ESR1: variants seen among roughly 807,000 people sequenced by gnomAD.
ESR1 encodes the protein estrogen receptor.
A neutral mutation model predicts 52.7 loss-of-function variants in ESR1; 12 were observed. That is an observed-to-expected ratio of 0.23 (90% CI 0.15 to 0.37). The LOEUF (loss-of-function observed/expected upper bound fraction) is 0.37. Ranked by LOEUF, ESR1 falls within the 10% of genes least tolerant of loss-of-function variation. ESR1 has a pLI of 1.00. For missense variants in ESR1, 584 were observed against 779.7 expected (o/e 0.75, Z 2.99); for synonymous variants, 305 against 316.8 (o/e 0.96, Z 0.39).
intron 2 of ESR1, among the ~76,000 whole-genome samples, chr6:151,731,037 C>G (rs1219410618): frequency 6.6e-6 from 1 of 152,090 alleles, no homozygotes; most frequent in Non-Finnish European, 1.5e-5. Context: ...TTCATCTGCT[C>G]AGGGGATTAT....
At chr6:151,797,209 G>A (rs151268853) in intron 2 of ESR1, among the ~76,000 whole-genome samples, 16 of 152,352 alleles carry the variant, frequency 1.1e-4, no homozygotes, top group South Asian at 4.1e-4. Context: ...ACATAGTGAA[G>A]GATGAATCTG....
In ESR1 at chr6:152,116,069, T is replaced by C. The variant is rs2051207031; in HGVS notation, c.851-9197T>C. Reference sequence around the variant, plus strand: ...GTAATTTGGAAACCACTAGTGTACATTAAAGGAGGGTATGAGGCAAAGGAG... The same window carrying C: ...GTAATTTGGAAACCACTAGTGTACACTAAAGGAGGGTATGAGGCAAAGGAG... On this transcript the variant is annotated intron_variant, in intron 6 of 6. Transcript: ENST00000427531. 2.0e-5 allele frequency among the ~76,000 whole-genome samples: 3 copies of C among 152,140 alleles called. No individual in the cohort carries two copies. In the South Asian group the frequency reaches 6.2e-4, roughly 32 times the overall value.
intron 3 of ESR1, among the ~76,000 whole-genome samples, chr6:151,917,943 T>C (rs1454674818): frequency 6.6e-6 from 1 of 152,220 alleles, no homozygotes; most frequent in African/African-American, 2.4e-5. Context: ...TGAAAAATAA[T>C]AACATATTTT....
intron 2 of ESR1, among the ~76,000 whole-genome samples, chr6:151,769,837 A>T (rs1324634947): frequency 6.6e-6 from 1 of 152,160 alleles, no homozygotes; most frequent in East Asian, 1.9e-4. Flanking sequence ...TTGTAGTAAG[A>T]TATGATGGCA....
At chr6:151,848,488 AAAT>A (rs1336022359) in intron 2 of ESR1, among the ~76,000 whole-genome samples, 10 of 145,632 alleles carry the variant, frequency 6.9e-5, no homozygotes, top group African/African-American at 1.4e-4. Flanking sequence ...TAAAAAAAAA[AAAT>A]TTAAAAAAAA....
chr6:151,786,465 A>G (rs1787031786), intron 2 of ESR1, among the ~76,000 whole-genome samples: 1 of 152,116 alleles, frequency 6.6e-6, no homozygotes, highest in Admixed American at 6.5e-5. Context: ...TCTTCCCTGG[A>G]CTTAATCTAG....
chr6:151,963,930 C>T (rs1332712347), intron 4 of ESR1, among the ~76,000 whole-genome samples: 9 of 152,112 alleles, frequency 5.9e-5, no homozygotes, highest in African/African-American at 2.2e-4. Context: ...AGAGGCTGTC[C>T]TTTCCCTATT....
chr6:151,904,898 A>G (rs1797209968), intron 3 of ESR1, among the ~76,000 whole-genome samples: 1 of 152,182 alleles, frequency 6.6e-6, no homozygotes, highest in Non-Finnish European at 1.5e-5. Flanking sequence ...ATTTGTTGTT[A>G]TTCACTGATT....
intron 4 of ESR1, among the ~76,000 whole-genome samples, chr6:151,956,819 TA>T (rs869142398): frequency 1.3e-5 from 1 of 77,296 alleles, no homozygotes; most frequent in Non-Finnish European, 3.1e-5. Context: ...TAAATATATA[TA>T]AAAATATATA....
At chr6:151,922,950 C>T (rs1040765627) in intron 3 of ESR1, among the ~76,000 whole-genome samples, 2 of 152,202 alleles carry the variant, frequency 1.3e-5, no homozygotes, top group East Asian at 3.8e-4. Context: ...TTCTAGCCTT[C>T]TCCTCTTACT....
intron 1 of ESR1, among the ~76,000 whole-genome samples, chr6:151,669,496 A>G (rs1356139227): frequency 6.6e-6 from 1 of 152,212 alleles, no homozygotes; most frequent in Non-Finnish European, 1.5e-5. Flanking sequence ...GAGCAACAGC[A>G]CAACCTGGGG....
intron 2 of ESR1, among the ~76,000 whole-genome samples, chr6:151,874,414 G>A (rs1401229230): frequency 1.3e-5 from 2 of 152,120 alleles, no homozygotes; most frequent in Admixed American, 6.5e-5. Context: ...ACTTTGAAAT[G>A]TGCCAATTCA....
intron 2 of ESR1, among the ~76,000 whole-genome samples, chr6:151,851,530 G>GTTTT (rs11386586): frequency 1.4e-5 from 2 of 142,376 alleles, no homozygotes; most frequent in Admixed American, 7.1e-5. Context: ...TGATGAAGGA[G>GTTTT]TTTTTTTTTT....
At chr6:151,765,222 T>C (rs1784956277) in intron 2 of ESR1, among the ~76,000 whole-genome samples, 1 of 152,224 alleles carries the variant, frequency 6.6e-6, no homozygotes. Flanking sequence ...GATGCTACAT[T>C]TTTATTAGGA....
chr6:151,729,131 G>GTGA (rs1429155532), intron 2 of ESR1, among the ~76,000 whole-genome samples: 2 of 152,140 alleles, frequency 1.3e-5, no homozygotes, highest in African/African-American at 4.8e-5. Context: ...CTGTTGAGAG[G>GTGA]TGATTAGGCC....
chr6:152,081,483 G>T (rs944186927), intron 6 of ESR1, among the ~76,000 whole-genome samples: 1 of 151,982 alleles, frequency 6.6e-6, no homozygotes, highest in Non-Finnish European at 1.5e-5. Context: ...GCAGTGTGTA[G>T]AGGGAAATTT....
chr6:152,015,197 C>A (rs1313586892), intron 5 of ESR1, among the ~76,000 whole-genome samples: 5 of 152,152 alleles, frequency 3.3e-5, no homozygotes, highest in African/African-American at 9.6e-5. Context: ...CACCTGGTGG[C>A]TGAATTCTGA....
At chr6:151,825,635 G>A (rs916239308) in intron 1 of ESR1, among the ~76,000 whole-genome samples, 4 of 152,172 alleles carry the variant, frequency 2.6e-5, no homozygotes, top group African/African-American at 9.7e-5. Context: ...TTGTTGGCCA[G>A]GTATGGTGGA....
chr6:151,956,858 ATAT>A (rs2037023334), intron 4 of ESR1, among the ~76,000 whole-genome samples: 1 of 82,372 alleles, frequency 1.2e-5, no homozygotes, highest in South Asian at 3.2e-4. Flanking sequence ...ATATATATAT[ATAT>A]AAATATATAT....
Sources: allele counts gnomAD v4.1 joint callset (sites outside exome capture counted in the v4.1 genomes callset), GRCh38; gene constraint gnomAD v4.1.1; transcripts MANE v1.5; gene names NCBI Gene and HGNC (gene_info 2026-07-23, HGNC 2026-07-21).